Variants in UBAC2 observed in about 807,000 individuals in gnomAD.
UBAC2 encodes ubiquitin-associated domain-containing protein 2.
UBAC2 carries 26 observed loss-of-function variants against 44.0 expected under a neutral mutation model. The ratio of observed to expected loss-of-function variants is 0.59; its 90% confidence interval spans 0.43 to 0.82. The LOEUF is 0.82. Ranked by LOEUF, UBAC2 falls within the 40% of genes least tolerant of loss-of-function variation. UBAC2 has a pLI of 0.00. For synonymous variants in UBAC2, 155 were observed against 154.3 expected, an observed-to-expected ratio of 1.00 and a Z score of -0.04; for missense variants, 329 against 419.4, an observed-to-expected ratio of 0.78 and a Z score of 1.88.
chr13:99,311,696 T>G (rs574465793), intron 4 of UBAC2, among the ~76,000 whole-genome samples: 1 of 152,350 alleles, frequency 6.6e-6, no homozygotes, highest in South Asian at 2.1e-4. Flanking sequence ...GAACTCTGTA[T>G]AGTCAATTCA....
chr13:99,311,810 A>G (rs1282928747), intron 4 of UBAC2, among the ~76,000 whole-genome samples: 1 of 152,228 alleles, frequency 6.6e-6, no homozygotes, highest in Non-Finnish European at 1.5e-5. Context: ...TAGGAGAACC[A>G]GGACTGCCTC....
At chr13:99,273,833 T>C (rs2043848146) in intron 4 of UBAC2, among the ~76,000 whole-genome samples, 1 of 151,940 alleles carries the variant, frequency 6.6e-6, no homozygotes. Context: ...TACCTAGATG[T>C]TCAGTCTCCT....
chr13:99,375,951 A>AT (rs2045474658), intron 8 of UBAC2, among the ~76,000 whole-genome samples: 1 of 148,740 alleles, frequency 6.7e-6, no homozygotes, highest in Admixed American at 6.7e-5. Context: ...CTACAGGCAC[A>AT]TGCCACCAAG....
intron 2 of UBAC2, among the ~76,000 whole-genome samples, chr13:99,241,710 A>T (rs1413411057): frequency 6.8e-6 from 1 of 147,974 alleles, no homozygotes; most frequent in South Asian, 2.2e-4. Context: ...TGTATACTCA[A>T]TAGTTAAAAT....
chr13:99,367,963 A>G, intron 8 of UBAC2, 57 bp downstream of exon 8: 2 of 1,581,148 alleles, frequency 1.3e-6, no homozygotes, highest in Non-Finnish European at 1.7e-6. Context: ...GAGTTGAAGC[A>G]GTTTCGATCA....
At chr13:99,224,015 T>A (rs576809409) in intron 1 of UBAC2, among the ~76,000 whole-genome samples, 1 of 152,350 alleles carries the variant, frequency 6.6e-6, no homozygotes, top group Admixed American at 6.5e-5. Flanking sequence ...GATAATGTTT[T>A]TCAGGTCTTG....
chr13:99,211,968 C>T (rs2142657146), intron 1 of UBAC2, among the ~76,000 whole-genome samples: 1 of 152,280 alleles, frequency 6.6e-6, no homozygotes, highest in South Asian at 2.1e-4. Context: ...CTGCCTCTCC[C>T]CACATCAGAA....
chr13:99,361,898 G>A (rs1437818295), intron 7 of UBAC2, among the ~76,000 whole-genome samples: 2 of 152,232 alleles, frequency 1.3e-5, no homozygotes, highest in African/African-American at 2.4e-5. Flanking sequence ...TCAGGAGGCT[G>A]AGATGGAAGA....
chr13:99,226,757 T>A (rs2043114608), intron 1 of UBAC2, among the ~76,000 whole-genome samples: 1 of 152,222 alleles, frequency 6.6e-6, no homozygotes, highest in African/African-American at 2.4e-5. Flanking sequence ...CTTAATCATG[T>A]TGAGCATGTT....
At chr13:99,245,452 A>G (rs1316844228) in intron 4 of UBAC2, among the ~76,000 whole-genome samples, 1 of 152,204 alleles carries the variant, frequency 6.6e-6, no homozygotes, top group Non-Finnish European at 1.5e-5. Context: ...GTATGCTTTC[A>G]TATTGCGTTG....
intron 6 of UBAC2, among the ~76,000 whole-genome samples, chr13:99,331,074 G>C (rs1000874617): frequency 4.6e-5 from 7 of 152,138 alleles, no homozygotes; most frequent in African/African-American, 7.2e-5. Flanking sequence ...CGTTTTATTT[G>C]AGCCAGCAAT....
At chr13:99,240,846 C>A (rs971538848) in intron 2 of UBAC2, among the ~76,000 whole-genome samples, 1 of 152,142 alleles carries the variant, frequency 6.6e-6, no homozygotes, top group Non-Finnish European at 1.5e-5. Context: ...GGAGTAGAGA[C>A]ATATGTGACA....
At chr13:99,357,897 A>T (rs1433016860) in intron 7 of UBAC2, among the ~76,000 whole-genome samples, 2 of 152,166 alleles carry the variant, frequency 1.3e-5, no homozygotes, top group Admixed American at 6.5e-5. Flanking sequence ...CCATTCAGTT[A>T]TCCATTTTGC....
At chr13:99,307,383 G>T (rs2044351413) in intron 4 of UBAC2, 1 of 152,118 alleles carries the variant, frequency 6.6e-6, no homozygotes, top group Non-Finnish European at 1.5e-5. Context: ...GCTGTGAGTA[G>T]TTGTCCAAAC....
rs1383889658 is a variant in UBAC2, at chr13:99,292,764, C to T, written c.390-21333C>T. On this transcript the variant is annotated intron_variant, in intron 4 of 8. Transcript: ENST00000403766. ...AACTGCCATAATAACGATCCATTTT[C>T]CCAGATTAGTTTTTCTAGCTCCCAA... Among the ~76,000 whole-genome samples, 3 of 149,260 alleles carry T rather than the reference C, an allele frequency of 2.0e-5. 1 individual carries two copies. Among genetic ancestry groups the T allele is most frequent in the South Asian group, 4.2e-4 (2 of 4,784 alleles).
intron 4 of UBAC2, among the ~76,000 whole-genome samples, chr13:99,283,713 C>CTTTTTTTT (rs71118470): frequency 1.6e-5 from 1 of 62,564 alleles, no homozygotes; most frequent in African/African-American, 6.0e-5. Context: ...TTAATGCCAC[C>CTTTTTTTT]TTTTTTTTTT....
chr13:99,328,335 G>A (rs938820619), intron 6 of UBAC2, among the ~76,000 whole-genome samples: 22 of 152,166 alleles, frequency 1.4e-4, no homozygotes, highest in Admixed American at 1.0e-3. Flanking sequence ...ACACATTTGT[G>A]TGTGGACATA....
intron 7 of UBAC2, among the ~76,000 whole-genome samples, chr13:99,354,785 A>C (rs2045151600): frequency 1.3e-5 from 2 of 152,178 alleles, no homozygotes; most frequent in African/African-American, 4.8e-5. Flanking sequence ...GTGCACACTC[A>C]CTGACCGTGG....
chr13:99,204,703 C>A (rs1478579425), intron 1 of UBAC2, among the ~76,000 whole-genome samples: 2 of 151,956 alleles, frequency 1.3e-5, no homozygotes, highest in African/African-American at 4.8e-5. Context: ...GAGGCCCCCC[C>A]AGAACCTTTC....
Sources: gnomAD v4.1 joint callset for allele counts (sites outside exome capture counted in the v4.1 genomes callset) on GRCh38, gnomAD v4.1.1 for gene constraint, MANE v1.5 for transcripts, NCBI Gene and HGNC (gene_info 2026-07-23, HGNC 2026-07-21) for gene names.